The following CCDC148 variants were observed in gnomAD, a reference collection of about 807,000 sequenced individuals.
The protein encoded by CCDC148 is coiled-coil domain-containing protein 148.
CCDC148 carries 89 observed loss-of-function variants against 85.7 expected under a neutral mutation model. The ratio of observed to expected loss-of-function variants is 1.04; its 90% CI spans 0.87 to 1.24. The LOEUF (loss-of-function observed/expected upper bound fraction) is 1.24. CCDC148 is among the 50% of genes most tolerant of loss of function. The pLI, the probability that CCDC148 is intolerant of heterozygous loss-of-function variation, is 0.00. For synonymous variants in CCDC148, 230 were observed against 213.9 expected, an observed-to-expected ratio of 1.08 and a Z score of -0.66; for missense variants, 692 against 671.7, an observed-to-expected ratio of 1.03 and a Z score of -0.33.
chr2:158,264,537 G>C (rs148758231), intron 9 of CCDC148, among the ~76,000 whole-genome samples: 56 of 152,108 alleles, frequency 3.7e-4, no homozygotes, highest in African/African-American at 1.3e-3. Context: ...CTATCTTCTA[G>C]AAAGAACAGT....
At chr2:158,225,529 T>G (rs1263988156) in intron 10 of CCDC148, among the ~76,000 whole-genome samples, 3 of 152,174 alleles carry the variant, frequency 2.0e-5, no homozygotes, top group Admixed American at 1.3e-4. Context: ...ACCACACTTA[T>G]TTCAAAATTG....
chr2:158,406,628 T>TTTTTTG (rs1686028016), intron 1 of CCDC148, among the ~76,000 whole-genome samples: 10 of 119,004 alleles, frequency 8.4e-5, no homozygotes, highest in Non-Finnish European at 1.1e-4. Context: ...TTTTTTTTTT[T>TTTTTTG]TTTTTTTTTT....
rs555982107 is a variant in CCDC148 at position 158,310,625 on chromosome 2, G to A, written c.904-986C>T. On this transcript the variant is annotated intron_variant, in intron 8 of 13. Coordinates refer to ENST00000283233, the MANE Select transcript of CCDC148 (RefSeq NM_138803.4). ...TCAGACGGGGCGGCCAGGTAGAGGC[G>A]CTCCTCAGTTCCCAGACGGGGTCGT... Among the ~76,000 whole-genome samples, 8 of 151,408 alleles carry A rather than the reference G, an allele frequency of 5.3e-5. No homozygotes were observed. In the East Asian group the frequency reaches 7.9e-4, roughly 15 times the overall value.
chr2:158,414,766 T>C (rs1262105915), intron 1 of CCDC148, among the ~76,000 whole-genome samples: 1 of 152,116 alleles, frequency 6.6e-6, no homozygotes, highest in Non-Finnish European at 1.5e-5. Context: ...TTTACTATGG[T>C]CAAGCAGCCA....
intron 11 of CCDC148, among the ~76,000 whole-genome samples, chr2:158,215,059 A>G (rs562458373): frequency 5.3e-4 from 81 of 152,362 alleles, no homozygotes; most frequent in African/African-American, 1.8e-3. Context: ...GACACTATCA[A>G]TGTAGAACTA....
chr2:158,215,010 C>T (rs1686774054), intron 11 of CCDC148, among the ~76,000 whole-genome samples: 1 of 152,074 alleles, frequency 6.6e-6, no homozygotes, highest in Non-Finnish European at 1.5e-5. Flanking sequence ...TGAGTGAACA[C>T]TTGTTCTACT....
intron 9 of CCDC148, among the ~76,000 whole-genome samples, chr2:158,263,885 T>A (rs560378750): frequency 4.0e-5 from 6 of 151,876 alleles, no homozygotes; most frequent in South Asian, 4.1e-4. Context: ...TAGTACATAA[T>A]GTAAATATAC....
intron 2 of CCDC148, among the ~76,000 whole-genome samples, chr2:158,357,272 G>C (rs893505962): frequency 6.6e-6 from 1 of 151,208 alleles, no homozygotes; most frequent in Non-Finnish European, 1.5e-5. Flanking sequence ...AACATAGCCT[G>C]GGTGGCTTAA....
intron 10 of CCDC148, among the ~76,000 whole-genome samples, chr2:158,231,558 C>T (rs1687857544): frequency 6.6e-6 from 1 of 152,116 alleles, no homozygotes; most frequent in South Asian, 2.1e-4. Flanking sequence ...CCTTTAAAGA[C>T]TCAGTTTTAG....
chr2:158,410,206 A>AT (rs1686201122), intron 1 of CCDC148, among the ~76,000 whole-genome samples: 2 of 152,118 alleles, frequency 1.3e-5, no homozygotes, highest in Non-Finnish European at 2.9e-5. Context: ...TGCATGGAAT[A>AT]TTTTTTTCCA....
intron 1 of CCDC148, among the ~76,000 whole-genome samples, chr2:158,403,644 T>C (rs1685880252): frequency 6.6e-6 from 1 of 151,796 alleles, no homozygotes; most frequent in Non-Finnish European, 1.5e-5. Context: ...TAGTACAAAA[T>C]TTAAAAAGCC....
In CCDC148 at chr2:158,302,886, T is replaced by C. The variant is rs1324447187; in HGVS notation, c.1110+6547A>G. On this transcript the variant is annotated intron_variant, in intron 9 of 13. Coordinates refer to ENST00000283233, the MANE Select transcript of CCDC148 (RefSeq NM_138803.4). Reference sequence around the variant, plus strand: ...TTGAGTGCACAGCTAACAGACTGGTTCAGGCAGTAGTCGGGGAAAACTTGG... The same window carrying C: ...TTGAGTGCACAGCTAACAGACTGGTCCAGGCAGTAGTCGGGGAAAACTTGG... Among the ~76,000 whole-genome samples the C allele has an allele frequency of 2.0e-5, 3 of 152,140 alleles. No individual in the cohort carries two copies. The East Asian group carries it at 5.8e-4, about 29-fold the overall frequency.
intron 1 of CCDC148, among the ~76,000 whole-genome samples, chr2:158,454,575 G>A (rs924681732): frequency 5.3e-5 from 8 of 152,236 alleles, no homozygotes; most frequent in African/African-American, 1.9e-4. Context: ...ATCATTTGCA[G>A]AAGTGCAGGA....
At chr2:158,272,381 G>C (rs1270511546) in intron 9 of CCDC148, among the ~76,000 whole-genome samples, 1 of 152,158 alleles carries the variant, frequency 6.6e-6, no homozygotes, top group African/African-American at 2.4e-5. Flanking sequence ...CTGGTTTATG[G>C]AAGGTGAAGT....
intron 9 of CCDC148, among the ~76,000 whole-genome samples, chr2:158,299,370 C>T (rs1691341085): frequency 6.6e-6 from 1 of 152,182 alleles, no homozygotes; most frequent in Non-Finnish European, 1.5e-5. Context: ...ATTTTGGAGG[C>T]TCTTTATCTG....
chr2:158,439,181 G>A (rs184646724), intron 1 of CCDC148, among the ~76,000 whole-genome samples: 10 of 152,326 alleles, frequency 6.6e-5, no homozygotes, highest in Non-Finnish European at 1.0e-4. Context: ...GCACGTGTAT[G>A]TTTATTGTGG....
chr2:158,442,042 T>A (rs1293752259), intron 1 of CCDC148, among the ~76,000 whole-genome samples: 1 of 152,202 alleles, frequency 6.6e-6, no homozygotes, highest in Non-Finnish European at 1.5e-5. Flanking sequence ...ACACCCAAAC[T>A]AGAATCTTGT....
intron 3 of CCDC148, among the ~76,000 whole-genome samples, chr2:158,343,585 C>T (rs989946257): frequency 1.3e-4 from 20 of 152,276 alleles, no homozygotes; most frequent in African/African-American, 4.1e-4. Flanking sequence ...CCTTATCCTC[C>T]GCCTGCCTGA....
intron 7 of CCDC148, among the ~76,000 whole-genome samples, chr2:158,332,893 T>TC (rs1187080583): frequency 6.6e-6 from 1 of 150,448 alleles, no homozygotes; most frequent in Non-Finnish European, 1.5e-5. Flanking sequence ...CTATAACATG[T>TC]TTTTTTGTGT....
Sources: gnomAD v4.1 joint callset for allele counts (sites outside exome capture counted in the v4.1 genomes callset) on GRCh38, gnomAD v4.1.1 for gene constraint, MANE v1.5 for transcripts, NCBI Gene and HGNC (gene_info 2026-07-23, HGNC 2026-07-21) for gene names.